DNAH7: variants seen among roughly 807,000 people sequenced by gnomAD.
DNAH7 encodes dynein axonemal heavy chain 7, also known as axonemal beta dynein heavy chain 7.
In DNAH7, 397 loss-of-function variants were observed where a neutral mutation model predicts 444.6. The observed-to-expected ratio is 0.89, with a 90% CI of 0.82 to 0.97. The LOEUF is 0.97. Ranked by LOEUF, DNAH7 falls within the 50% of genes least tolerant of loss-of-function variation. The pLI is 0.00. For synonymous variants in DNAH7, 1,636 were observed against 1,624.4 expected (o/e 1.01, Z -0.17); for missense variants, 4,902 against 4,800.8 (o/e 1.02, Z -0.62).
intron 49 of DNAH7, among the ~76,000 whole-genome samples, chr2:195,821,080 T>C (rs1015866926): frequency 3.3e-5 from 5 of 151,590 alleles, no homozygotes; most frequent in African/African-American, 1.2e-4. Flanking sequence ...TTGTTTTATG[T>C]ACAGACTGCA....
rs1163064843 is a variant in DNAH7 at position 195,834,702 on chromosome 2, A to T, written c.8946-342T>A. 5.9e-5 allele frequency among the ~76,000 whole-genome samples: 9 copies of T among 152,232 alleles called. 1 individual carries two copies. Among genetic ancestry groups the T allele is most frequent in the Admixed American group, 4.6e-4 (7 of 15,288 alleles). ...CAAGAGGACTGCGTTGGAAATAAGG[A>T]AACTCCAGTTCTTCACTAAGCCCTC... On this transcript the variant is annotated intron_variant, in intron 47 of 64. Transcript: ENST00000312428.
intron 36 of DNAH7, among the ~76,000 whole-genome samples, chr2:195,877,591 T>C (rs1005623330): frequency 1.3e-5 from 2 of 152,244 alleles, no homozygotes; most frequent in African/African-American, 4.8e-5. Flanking sequence ...TCTGAAAGCA[T>C]ACTTTGGAAT....
At chr2:195,949,712 C>A (rs1237332403) in intron 19 of DNAH7, among the ~76,000 whole-genome samples, 3 of 152,102 alleles carry the variant, frequency 2.0e-5, no homozygotes, top group African/African-American at 4.8e-5. Flanking sequence ...CCAGCTTTTG[C>A]CCATTCAGTA....
chr2:195,769,764 T>A (rs1054278272), intron 61 of DNAH7, among the ~76,000 whole-genome samples: 2 of 152,160 alleles, frequency 1.3e-5, no homozygotes, highest in African/African-American at 4.8e-5. Flanking sequence ...TAGGTTTGCA[T>A]AGACCTGCTT....
At position 195,816,778 on chromosome 2, in the gene DNAH7, C is replaced by A. The variant is rs199798030; in HGVS notation, c.9611G>T (p.Arg3204Leu). 20 of 1,613,980 alleles carry A rather than the reference C, an allele frequency of 1.2e-5. No homozygotes were observed. Among genetic ancestry groups the A allele is most frequent in the Non-Finnish European group, 1.7e-5 (20 of 1,180,010 alleles). The change falls in exon 51 of 65, where the codon CGT (arginine) becomes CTT (leucine). Residue 3204 changes from arginine to leucine, a missense_variant. Arg to Leu is a moderately radical substitution (Grantham distance 102). Coordinates refer to ENST00000312428, the MANE Select transcript of DNAH7 (RefSeq NM_018897.3). ...GATGGAAGAATGGATGGCAATAGGA[C>A]GATAGCCCATGCGGGTGGTGTCAAT... ...KKIDTTRMGY[R>L]PIAIHSSILF...
At chr2:195,766,316 G>A (rs7560779) in intron 61 of DNAH7, among the ~76,000 whole-genome samples, 4,412 of 151,574 alleles carry the variant, frequency 0.029, 208 homozygotes, top group African/African-American at 0.1. Context: ...TGGGATTACA[G>A]GCATCTCCCA....
chr2:195,806,167 T>G (rs1299558189), intron 54 of DNAH7, among the ~76,000 whole-genome samples: 4 of 152,146 alleles, frequency 2.6e-5, no homozygotes, highest in African/African-American at 7.2e-5. Flanking sequence ...CATAGGTGAA[T>G]TTTTTTATCT....
Position 195,953,077 on chromosome 2 carries a change from G to A in DNAH7, c.3078+4184C>T, listed in dbSNP as rs190197976. ...TCCTCATCTTCGTGGGTTTATCTACGTTTGGTCTTTGATGCTGGTGACCTT... is the reference window on the plus strand; with the variant it reads ...TCCTCATCTTCGTGGGTTTATCTACATTTGGTCTTTGATGCTGGTGACCTT... On this transcript the variant is annotated intron_variant, in intron 19 of 64. Coordinates refer to ENST00000312428, the MANE Select transcript of DNAH7 (RefSeq NM_018897.3). Among the ~76,000 whole-genome samples, 82 of 152,206 alleles carry A rather than the reference G, an allele frequency of 5.4e-4. 1 individual carries two copies. The highest frequency in any genetic ancestry group is 1.7e-3 in the African/African-American group (72 of 41,528).
At chr2:195,827,925 T>G (rs932793135) in intron 48 of DNAH7, among the ~76,000 whole-genome samples, 2 of 152,084 alleles carry the variant, frequency 1.3e-5, no homozygotes, top group African/African-American at 4.8e-5. Context: ...AATTTAACTT[T>G]TTGTTGTAGA....
At chr2:196,057,918 CAGAAA>C (rs1309992050) in intron 2 of DNAH7, 131 bp downstream of exon 2, 1 of 656,398 alleles carries the variant, frequency 1.5e-6, no homozygotes, top group Non-Finnish European at 2.4e-6. Context: ...ATTCCTCCAT[CAGAAA>C]AGAATCAAAT....
intron 19 of DNAH7, among the ~76,000 whole-genome samples, chr2:195,947,899 C>T (rs1305039252): frequency 1.3e-5 from 2 of 152,228 alleles, no homozygotes; most frequent in African/African-American, 2.4e-5. Context: ...AACTAATTTA[C>T]GCTCCCACCA....
In DNAH7 at chr2:195,994,651, T is replaced by C. The variant is rs756852833; in HGVS notation, c.1353+6053A>G. On this transcript the variant is annotated intron_variant, in intron 12 of 64. Coordinates refer to ENST00000312428, the MANE Select transcript of DNAH7 (RefSeq NM_018897.3). ...GCCAAATGTATCTGTAGGCTCTCTA[T>C]TGAGTAAAGTGCTTCAAGTCTTGTT... 9.8e-6 allele frequency: 5 copies of C among 511,200 alleles called. No individual in the cohort carries two copies. In the Admixed American group the frequency reaches 1.1e-4, roughly 12 times the overall value. 31.7% of individuals were successfully genotyped at this position (511,200 alleles called of 1,614,324 possible).
chr2:195,819,102 C>T (rs1697350906), intron 49 of DNAH7, among the ~76,000 whole-genome samples: 1 of 152,140 alleles, frequency 6.6e-6, no homozygotes, highest in Middle Eastern at 3.2e-3. Flanking sequence ...TTGCTCTACG[C>T]CCTTCCCCTT....
At chr2:195,830,542 C>T (rs1037878160) in intron 48 of DNAH7, among the ~76,000 whole-genome samples, 3 of 152,104 alleles carry the variant, frequency 2.0e-5, no homozygotes, top group Non-Finnish European at 4.4e-5. Flanking sequence ...CCTTAAGCAG[C>T]TTGTAGAAGA....
intron 48 of DNAH7, among the ~76,000 whole-genome samples, chr2:195,831,151 C>G (rs1432243539): frequency 6.6e-6 from 1 of 152,038 alleles, no homozygotes; most frequent in East Asian, 1.9e-4. Context: ...AATATCTTCT[C>G]TACAAATTGA....
At position 195,816,881 on chromosome 2, in the gene DNAH7, T is replaced by G; in HGVS notation, c.9508A>C (p.Lys3170Gln). Residue 3170 changes from lysine (K) to glutamine (Q), a missense_variant, in exon 51 of 65, where the codon AAG (lysine) becomes CAG (glutamine). Transcript: ENST00000312428. ...AAGGCCTTGGAGGAAGATAATATCTTAATAGCAGTTTCATCTTCTAATATA... is the reference window on the plus strand; with the variant it reads ...AAGGCCTTGGAGGAAGATAATATCTGAATAGCAGTTTCATCTTCTAATATA... Reference protein sequence around the residue: ...GNILEDETAIKILSSSKALAN... With the variant: ...GNILEDETAIQILSSSKALAN... 1 of 1,614,130 alleles carries G rather than the reference T, an allele frequency of 6.2e-7. No individual in the cohort carries two copies. The highest frequency in any genetic ancestry group is 8.5e-7 in the Non-Finnish European group (1 of 1,179,970).
chr2:195,834,412 C>T (rs1255548542), intron 47 of DNAH7, 52 bp from the exon 48 acceptor site: 6 of 1,542,250 alleles, frequency 3.9e-6, no homozygotes, highest in Non-Finnish European at 5.3e-6. Context: ...TGTTTCTACA[C>T]TACTTAATCA....
chr2:195,830,443 A>G (rs931145893), intron 48 of DNAH7, among the ~76,000 whole-genome samples: 23 of 152,204 alleles, frequency 1.5e-4, no homozygotes, highest in African/African-American at 7.2e-5. Flanking sequence ...AAATTAATAG[A>G]AAAAAATCTT....
Position 195,756,295 on chromosome 2 carries a change from A to T in DNAH7, c.11434-10T>A. 1 of 1,596,330 alleles carries T rather than the reference A, an allele frequency of 6.3e-7. No homozygotes were observed. The highest frequency in any genetic ancestry group is 8.6e-7 in the Non-Finnish European group (1 of 1,169,540). On this transcript the variant is annotated splice_polypyrimidine_tract_variant and intron_variant, in intron 61 of 64. Transcript: ENST00000312428. ...ACATGACTGCAAGCCCCTGAAACAC[A>T]TTTAACCTTGGTTAATATAATAGTA...
Sources: allele counts gnomAD v4.1 joint callset (sites outside exome capture counted in the v4.1 genomes callset), GRCh38; gene constraint gnomAD v4.1.1; transcripts MANE v1.5; gene names NCBI Gene and HGNC (gene_info 2026-07-23, HGNC 2026-07-21).